Variants in TSPAN14 observed in about 807,000 individuals in gnomAD.
The protein encoded by TSPAN14 is tetraspanin 14.
A neutral mutation model predicts 36.6 loss-of-function variants in TSPAN14; 16 were observed. The ratio of observed to expected loss-of-function variants is 0.44; its 90% CI spans 0.30 to 0.66. The LOEUF is 0.66. Among genes scored for constraint, TSPAN14 ranks in the 30% least tolerant of loss-of-function variants. The pLI is 0.12. For missense variants in TSPAN14, 231 were observed against 355.1 expected (o/e 0.65, Z 2.81); for synonymous variants, 139 against 143.8 (o/e 0.97, Z 0.24).
At chr10:80,506,094 C>G (rs1237043207) in intron 3 of TSPAN14, among the ~76,000 whole-genome samples, 1 of 152,232 alleles carries the variant, frequency 6.6e-6, no homozygotes, top group Admixed American at 6.5e-5. Flanking sequence ...GCCTCACCCT[C>G]CCAAATAGCT....
rs138328578 is a variant in TSPAN14, at chr10:80,516,363, T to C, written c.741+40T>C. The stretch of plus-strand genomic sequence containing the variant: ...CCTATAGGATTGGCAGGTGGCCTTT[T>C]TTCATTTGAGATTGGGCCCTTAACA... On this transcript the variant is annotated intron_variant, in intron 8 of 8. Transcript: ENST00000429989. The C allele has an allele frequency of 1.2e-3, 1,930 of 1,612,868 alleles. 16 individuals carry two copies. Among genetic ancestry groups the C allele is most frequent in the African/African-American group, 0.011 (852 of 74,962 alleles).
intron 6 of TSPAN14, among the ~76,000 whole-genome samples, chr10:80,513,805 CTG>C (rs1465780231): frequency 2.6e-5 from 4 of 152,328 alleles, no homozygotes; most frequent in African/African-American, 9.6e-5. Flanking sequence ...GGAATTGAGT[CTG>C]TGTCTGAAGT....
At chr10:80,473,206 C>T (rs562056227) in intron 1 of TSPAN14, among the ~76,000 whole-genome samples, 1 of 152,202 alleles carries the variant, frequency 6.6e-6, no homozygotes, top group East Asian at 1.9e-4. Context: ...CCACTGAGGA[C>T]TCCCCTGACT....
intron 3 of TSPAN14, 120 bp from the exon 4 acceptor site, chr10:80,507,108 A>G (rs1301013852): frequency 7.4e-7 from 1 of 1,351,028 alleles, no homozygotes; most frequent in Non-Finnish European, 1.0e-6. Flanking sequence ...CTGGCTGTCA[A>G]CAAGAGGGCT....
At chr10:80,512,097 T>A in intron 5 of TSPAN14, 47 bp from the exon 6 acceptor site, 1 of 1,613,216 alleles carries the variant, frequency 6.2e-7, no homozygotes, top group Non-Finnish European at 8.5e-7. Flanking sequence ...TGGGCAGCCA[T>A]GGCCCTGTCT....
At position 80,505,185 on chromosome 10, in the gene TSPAN14, T is replaced by C. The variant is rs1273188939; in HGVS notation, c.132+407T>C. On this transcript the variant is annotated intron_variant, in intron 3 of 8. Transcript: ENST00000429989. ...GCAGGCAGCAGGGAGCGGGGCTGGG[T>C]GACATGCCCCCAGGGTGCCCTGTGG... Among the ~76,000 whole-genome samples the C allele has an allele frequency of 2.0e-5, 3 of 152,280 alleles. No homozygotes were observed. In the East Asian group the frequency reaches 5.8e-4, roughly 29 times the overall value.
intron 2 of TSPAN14, among the ~76,000 whole-genome samples, chr10:80,502,732 C>T (rs931302875): frequency 6.6e-6 from 1 of 151,998 alleles, no homozygotes; most frequent in Non-Finnish European, 1.5e-5. Flanking sequence ...CTTAGGAGGA[C>T]AAGTAAAGTA....
At chr10:80,508,021 AAAG>A (rs1840386224) in intron 4 of TSPAN14, among the ~76,000 whole-genome samples, 1 of 151,970 alleles carries the variant, frequency 6.6e-6, no homozygotes, top group East Asian at 1.9e-4. Flanking sequence ...TGGAAAAAAA[AAAG>A]AAAAGCTATG....
chr10:80,459,765 G>A (rs1845887251), intron 1 of TSPAN14, among the ~76,000 whole-genome samples: 1 of 152,166 alleles, frequency 6.6e-6, no homozygotes, highest in East Asian at 1.9e-4. Flanking sequence ...AAGGAAATGG[G>A]CCTCTCCCGA....
chr10:80,487,565 C>CCTGTGT (rs1554861556), intron 1 of TSPAN14, among the ~76,000 whole-genome samples: 1 of 152,126 alleles, frequency 6.6e-6, no homozygotes, highest in Non-Finnish European at 1.5e-5. Context: ...AAGGAAGGCG[C>CCTGTGT]CTGTGTCTCT....
chr10:80,487,167 C>T (rs533401421), intron 1 of TSPAN14, among the ~76,000 whole-genome samples: 19 of 152,214 alleles, frequency 1.2e-4, no homozygotes, highest in African/African-American at 3.4e-4. Context: ...GTTGCCTACA[C>T]GGAGCCCCTC....
intron 1 of TSPAN14, chr10:80,468,454 A>G (rs1006588664): frequency 2.6e-5 from 4 of 152,236 alleles, no homozygotes; most frequent in Non-Finnish European, 5.9e-5. Context: ...CCTCCAGGGA[A>G]GCTGATTGCA....
At chr10:80,517,923 G>A (rs1189939900) in exon 9 of TSPAN14, 1 of 1,566,480 alleles carries the variant, frequency 6.4e-7, no homozygotes, top group Non-Finnish European at 8.7e-7. Context: ...CATCTTCCTG[G>A]CAAGGACGCT....
chr10:80,457,347 C>T (rs781050225), intron 1 of TSPAN14, among the ~76,000 whole-genome samples: 2 of 151,962 alleles, frequency 1.3e-5, no homozygotes, highest in Non-Finnish European at 2.9e-5. Context: ...CACCACCACA[C>T]CCAGCTAATT....
At chr10:80,520,300 C>G in exon 9 of TSPAN14, 1 of 295,792 alleles carries the variant, frequency 3.4e-6, no homozygotes, top group Non-Finnish European at 6.6e-6. Flanking sequence ...CAACTATAGA[C>G]CCTTCTGGCT....
exon 4 of TSPAN14, chr10:80,507,362 C>T (rs755475831): frequency 9.3e-6 from 15 of 1,614,182 alleles, no homozygotes; most frequent in Admixed American, 5.0e-5. Flanking sequence ...AGAATATCTG[C>T]TTGCTCAACT....
chr10:80,511,881 G>A (rs1840671925), intron 5 of TSPAN14, among the ~76,000 whole-genome samples: 1 of 151,278 alleles, frequency 6.6e-6, no homozygotes, highest in African/African-American at 2.4e-5. Context: ...CAACTCCTGG[G>A]CTCAAACCAT....
chr10:80,486,948 G>C (rs1847636103), intron 1 of TSPAN14, among the ~76,000 whole-genome samples: 1 of 152,202 alleles, frequency 6.6e-6, no homozygotes, highest in African/African-American at 2.4e-5. Flanking sequence ...TTGGCTGGGT[G>C]TGGTGGCTCA....
exon 9 of TSPAN14, chr10:80,520,540 A>G (rs1050727662): frequency 1.0e-5 from 5 of 493,154 alleles, no homozygotes; most frequent in Admixed American, 4.2e-5. Context: ...CACCATGCAC[A>G]TGCTAACTTT....
Sources: allele counts gnomAD v4.1 joint callset (sites outside exome capture counted in the v4.1 genomes callset), GRCh38; gene constraint gnomAD v4.1.1; transcripts MANE v1.5; gene names NCBI Gene and HGNC (gene_info 2026-07-23, HGNC 2026-07-21).